The following KLRG1 variants were observed in gnomAD, a reference collection of about 807,000 sequenced individuals.
KLRG1 encodes the protein killer cell lectin like receptor G1.
A neutral mutation model predicts 21.8 loss-of-function variants in KLRG1; 16 were observed. That is an observed-to-expected ratio of 0.73 (90% CI 0.50 to 1.11). The LOEUF is 1.11. KLRG1 is among the 50% of genes most tolerant of loss of function. The pLI is 0.00. For missense variants in KLRG1, 173 were observed against 218.3 expected (o/e 0.79, Z 1.31); for synonymous variants, 69 against 75.9 (o/e 0.91, Z 0.47).
the KLRG1 span, chr12:9,153,081 C>A: frequency 6.2e-7 from 1 of 1,607,714 alleles, no homozygotes; most frequent in Non-Finnish European, 8.5e-7. Flanking sequence ...TTTCAATTGG[C>A]AAGTTTAAAG....
chr12:9,157,242 G>A, the KLRG1 span: 7 of 1,614,098 alleles, frequency 4.3e-6, no homozygotes, highest in Non-Finnish European at 2.5e-6. Flanking sequence ...TTCCCAGTAG[G>A]GAAAAAGCAT....
the KLRG1 span, among the ~76,000 whole-genome samples, chr12:9,139,205 T>C: frequency 6.6e-6 from 1 of 152,180 alleles, no homozygotes; most frequent in East Asian, 1.9e-4. Context: ...AAGAGTCTGT[T>C]GTTTAATATC....
At chr12:9,104,256 T>TA in the KLRG1 span, 1 of 1,612,402 alleles carries the variant, frequency 6.2e-7, no homozygotes, top group Admixed American at 1.7e-5. Flanking sequence ...GTAAGAGAGG[T>TA]ACCCATAACA....
the KLRG1 span, among the ~76,000 whole-genome samples, chr12:9,114,429 T>C: frequency 6.6e-6 from 1 of 152,318 alleles, no homozygotes; most frequent in African/African-American, 2.4e-5. Context: ...ATATTTTAAA[T>C]TAATACTTAG....
chr12:9,190,244 A>C, the KLRG1 span, among the ~76,000 whole-genome samples: 1 of 152,210 alleles, frequency 6.6e-6, no homozygotes, highest in African/African-American at 2.4e-5. Context: ...ACATGGAATC[A>C]ACCTAAATGC....
chr12:9,200,376 G>A, the KLRG1 span: 3 of 1,606,000 alleles, frequency 1.9e-6, no homozygotes, highest in Non-Finnish European at 2.6e-6. Flanking sequence ...TCCACAGACT[G>A]TTATGTTCAC....
At chr12:9,094,110 C>T in the KLRG1 span, among the ~76,000 whole-genome samples, 23 of 152,104 alleles carry the variant, frequency 1.5e-4, no homozygotes, top group Admixed American at 3.3e-4. Context: ...GGCAGGAATC[C>T]AAGTTTCCAT....
At chr12:9,102,255 GC>G in the KLRG1 span, among the ~76,000 whole-genome samples, 5 of 152,154 alleles carry the variant, frequency 3.3e-5, no homozygotes, top group South Asian at 6.2e-4. Flanking sequence ...TTGCTCTGGC[GC>G]CCATGCTGGA....
the KLRG1 span, chr12:9,192,455 T>G: frequency 6.7e-7 from 1 of 1,499,362 alleles, no homozygotes; most frequent in East Asian, 2.3e-5. Context: ...CCTGAGCCTA[T>G]TGACCACTTT....
the KLRG1 span, among the ~76,000 whole-genome samples, chr12:9,139,742 C>A: frequency 1.3e-5 from 2 of 152,066 alleles, no homozygotes; most frequent in Non-Finnish European, 2.9e-5. Flanking sequence ...ATAAGTGTAG[C>A]CACTCCTCCT....
At chr12:9,115,744 G>A in the KLRG1 span, 16 of 1,588,394 alleles carry the variant, frequency 1.0e-5, no homozygotes, top group African/African-American at 1.3e-5. Flanking sequence ...CATGCTTCAC[G>A]CTCTCTGTGT....
At chr12:9,099,533 A>G in the KLRG1 span, 13 of 1,603,980 alleles carry the variant, frequency 8.1e-6, no homozygotes, top group African/African-American at 1.5e-4. Context: ...ACTGGGGCAC[A>G]AAGAGAATGA....
the KLRG1 span, chr12:9,202,394 A>C: frequency 6.2e-7 from 1 of 1,614,110 alleles, no homozygotes; most frequent in Non-Finnish European, 8.5e-7. Flanking sequence ...TTCTCCGATA[A>C]GATTCAGACA....
chr12:9,189,167 T>A, the KLRG1 span, among the ~76,000 whole-genome samples: 1 of 151,950 alleles, frequency 6.6e-6, no homozygotes, highest in African/African-American at 2.4e-5. Flanking sequence ...TATATGGAAC[T>A]AAAAAAAGAG....
the KLRG1 span, among the ~76,000 whole-genome samples, chr12:9,144,575 G>T: frequency 6.6e-6 from 1 of 152,068 alleles, no homozygotes; most frequent in South Asian, 2.1e-4. Context: ...GTCAAAGACA[G>T]GTTTATTTTG....
At chr12:9,073,615 T>C in the KLRG1 span, among the ~76,000 whole-genome samples, 1 of 152,224 alleles carries the variant, frequency 6.6e-6, no homozygotes, top group African/African-American at 2.4e-5. Context: ...TGCCATTTTG[T>C]CACATTTTTT....
upstream of KLRG1, among the ~76,000 whole-genome samples, chr12:8,988,831 C>T (rs1946890788): frequency 6.6e-6 from 1 of 152,168 alleles, no homozygotes; most frequent in Non-Finnish European, 1.5e-5. Context: ...ATCCACCCTC[C>T]TTGGCCTCCC....
At chr12:9,077,300 T>C in the KLRG1 span, 24 of 1,540,354 alleles carry the variant, frequency 1.6e-5, no homozygotes, top group East Asian at 2.3e-5. Flanking sequence ...AGCAGTTTCA[T>C]TGCATCCAGA....
At chr12:9,114,792 A>C in the KLRG1 span, among the ~76,000 whole-genome samples, 15 of 152,264 alleles carry the variant, frequency 9.9e-5, no homozygotes, top group South Asian at 3.1e-3. Flanking sequence ...CCTCTTTTAA[A>C]TAGAATGTAA....
Sources: gnomAD v4.1 joint callset for allele counts (sites outside exome capture counted in the v4.1 genomes callset) on GRCh38, gnomAD v4.1.1 for gene constraint, MANE v1.5 for transcripts, NCBI Gene and HGNC (gene_info 2026-07-23, HGNC 2026-07-21) for gene names.